The following SPAG16 variants were observed in gnomAD, a reference collection of about 807,000 sequenced individuals.
The protein encoded by SPAG16 is sperm-associated antigen 16 protein.
SPAG16 carries 86 observed loss-of-function variants against 80.4 expected under a neutral mutation model. That is an observed-to-expected ratio of 1.07 (90% CI 0.90 to 1.28). The LOEUF (loss-of-function observed/expected upper bound fraction) is 1.28, where lower values mean the gene tolerates loss of function less well. SPAG16 is among the 50% of genes most tolerant of loss of function. The pLI is 0.00. For missense variants in SPAG16, 870 were observed against 765.3 expected, an observed-to-expected ratio of 1.14 and a Z score of -1.61; for synonymous variants, 294 against 265.9, an observed-to-expected ratio of 1.11 and a Z score of -1.03.
In SPAG16 at chr2:213,292,673, AAACAAAAAAAAC is replaced by A. The variant is rs1434779754; in HGVS notation, c.137-3388_137-3377del. ...AGCGAGACTCCGTCTCAAAAAAAAA[AAACAAAAAAAAC>A]AAAAAAAAACAAAACTATCAGAAAG... On this transcript the variant is annotated intron_variant, in intron 1 of 15. Coordinates refer to ENST00000331683, the MANE Select transcript of SPAG16 (RefSeq NM_024532.5). Among the ~76,000 whole-genome samples, 2 of 130,480 alleles carry A rather than the reference AAACAAAAAAAAC, an allele frequency of 1.5e-5. 1 individual carries two copies. Among genetic ancestry groups the A allele is most frequent in the African/African-American group, 5.6e-5 (2 of 35,588 alleles). The allele number at this position is 130,480 out of a possible 152,430, so 85.6% of individuals were successfully genotyped here.
intron 15 of SPAG16, among the ~76,000 whole-genome samples, chr2:214,373,137 T>C (rs1699922457): frequency 6.6e-6 from 1 of 152,154 alleles, no homozygotes; most frequent in African/African-American, 2.4e-5. Flanking sequence ...GGTACTTTCT[T>C]AATACAGGGA....
intron 13 of SPAG16, among the ~76,000 whole-genome samples, chr2:214,094,101 C>G (rs557098702): frequency 4.9e-4 from 75 of 152,152 alleles, no homozygotes; most frequent in Non-Finnish European, 9.7e-4. Context: ...AAGCAGAATA[C>G]GCACAACTCT....
chr2:213,964,979 G>A (rs1393245548), intron 12 of SPAG16, among the ~76,000 whole-genome samples: 1 of 152,056 alleles, frequency 6.6e-6, no homozygotes, highest in Admixed American at 6.6e-5. Flanking sequence ...CAATATTTGG[G>A]TCCTTTCTCT....
At chr2:214,212,070 G>A (rs1018460860) in intron 15 of SPAG16, among the ~76,000 whole-genome samples, 13 of 152,006 alleles carry the variant, frequency 8.6e-5, no homozygotes, top group African/African-American at 2.9e-4. Context: ...AATTATGTAT[G>A]TAATTTCTTA....
intron 10 of SPAG16, among the ~76,000 whole-genome samples, chr2:213,730,146 AT>A (rs2066965831): frequency 6.6e-6 from 1 of 152,182 alleles, no homozygotes; most frequent in African/African-American, 2.4e-5. Context: ...CACTTTGCAG[AT>A]TTTAGCAGTT....
intron 15 of SPAG16, among the ~76,000 whole-genome samples, chr2:214,215,518 C>T (rs2058409657): frequency 6.6e-6 from 1 of 152,144 alleles, no homozygotes; most frequent in Admixed American, 6.5e-5. Flanking sequence ...CTTTCCCCAG[C>T]CTTCTAGGAA....
chr2:214,280,709 C>G, intron 15 of SPAG16: 1 of 364,556 alleles, frequency 2.7e-6, no homozygotes, highest in Non-Finnish European at 5.3e-6. Context: ...TTCTTCTGAG[C>G]AAGGGACATT....
intron 10 of SPAG16, among the ~76,000 whole-genome samples, chr2:213,608,154 G>T (rs945144011): frequency 6.6e-6 from 1 of 151,976 alleles, no homozygotes; most frequent in African/African-American, 2.4e-5. Flanking sequence ...AACCATGATA[G>T]ATATTATACT....
At chr2:213,940,814 T>A (rs114408005) in intron 12 of SPAG16, among the ~76,000 whole-genome samples, 1,987 of 152,222 alleles carry the variant, frequency 0.013, 41 homozygotes, top group African/African-American at 0.045. Flanking sequence ...CACACATAAA[T>A]TGTATATGCA....
chr2:214,359,885 C>T (rs1199206752), intron 15 of SPAG16, among the ~76,000 whole-genome samples: 1 of 151,822 alleles, frequency 6.6e-6, no homozygotes, highest in African/African-American at 2.4e-5. Context: ...CCACCAAGGA[C>T]TTTTTTGCTA....
At chr2:214,131,103 C>G (rs980431460) in intron 14 of SPAG16, among the ~76,000 whole-genome samples, 10 of 152,104 alleles carry the variant, frequency 6.6e-5, no homozygotes, top group African/African-American at 2.4e-4. Context: ...GAGATTCAAA[C>G]AAGTAAAGAT....
chr2:213,384,133 T>C (rs912488314), intron 9 of SPAG16, among the ~76,000 whole-genome samples: 4 of 152,170 alleles, frequency 2.6e-5, no homozygotes, highest in African/African-American at 7.2e-5. Context: ...GGGAATTATA[T>C]GGAAATATGA....
intron 10 of SPAG16, among the ~76,000 whole-genome samples, chr2:213,621,003 G>A (rs2061762012): frequency 6.6e-6 from 1 of 151,838 alleles, no homozygotes. Flanking sequence ...AGTTTTATTT[G>A]TACTAAAAAC....
At chr2:213,794,041 C>T (rs1575154711) in intron 10 of SPAG16, among the ~76,000 whole-genome samples, 2 of 152,180 alleles carry the variant, frequency 1.3e-5, no homozygotes, top group South Asian at 4.1e-4. Flanking sequence ...ACTTTAGAAA[C>T]TTTTCAACCT....
chr2:213,407,975 G>GA (rs2068750006), intron 9 of SPAG16, among the ~76,000 whole-genome samples: 2 of 105,820 alleles, frequency 1.9e-5, no homozygotes, highest in Non-Finnish European at 4.0e-5. Flanking sequence ...GAGAGAGACA[G>GA]GAGAGAGAGA....
chr2:213,523,576 A>G (rs545813270), intron 10 of SPAG16, among the ~76,000 whole-genome samples: 7 of 152,268 alleles, frequency 4.6e-5, no homozygotes, highest in Admixed American at 4.6e-4. Context: ...CTTCTTAGAG[A>G]CTTGGAGGGC....
At chr2:213,621,324 A>C (rs78908643) in intron 10 of SPAG16, among the ~76,000 whole-genome samples, 9,072 of 152,232 alleles carry the variant, frequency 0.06, 896 homozygotes, top group African/African-American at 0.2. Context: ...AATATGTTAC[A>C]ACTGAGAATA....
intron 11 of SPAG16, among the ~76,000 whole-genome samples, chr2:213,902,206 A>C (rs2077246973): frequency 6.6e-6 from 1 of 152,240 alleles, no homozygotes; most frequent in Admixed American, 6.5e-5. Context: ...CCAAAGAATA[A>C]AGAAGTAGGT....
chr2:213,309,852 TGACTAA>T (rs766418621), intron 3 of SPAG16, among the ~76,000 whole-genome samples: 1 of 152,036 alleles, frequency 6.6e-6, no homozygotes, highest in Non-Finnish European at 1.5e-5. Context: ...TCCATCCACT[TGACTAA>T]TAGATAGGAG....
Sources: gnomAD v4.1 joint callset for allele counts (sites outside exome capture counted in the v4.1 genomes callset) on GRCh38, gnomAD v4.1.1 for gene constraint, MANE v1.5 for transcripts, NCBI Gene and HGNC (gene_info 2026-07-23, HGNC 2026-07-21) for gene names.